The following CAMK2D variants were observed in gnomAD, a reference collection of about 807,000 sequenced individuals.
The protein encoded by CAMK2D is calcium/calmodulin dependent protein kinase II delta.
Under a neutral mutation model 84.0 loss-of-function variants are expected in CAMK2D, and 37 were observed. That is an observed-to-expected ratio of 0.44 (90% CI 0.34 to 0.58). The LOEUF (loss-of-function observed/expected upper bound fraction) is 0.58, where lower values mean the gene tolerates loss of function less well. Among genes scored for constraint, CAMK2D ranks in the 20% least tolerant of loss-of-function variants. The pLI is 0.02. For synonymous variants in CAMK2D, 202 were observed against 212.5 expected (o/e 0.95, Z 0.43); for missense variants, 448 against 652.5 (o/e 0.69, Z 3.41).
chr4:113,455,395 A>G (rs1378704647), intron 20 of CAMK2D, among the ~76,000 whole-genome samples: 5 of 152,208 alleles, frequency 3.3e-5, no homozygotes, highest in Non-Finnish European at 7.3e-5. Context: ...CTTAATATAA[A>G]TTAAGTCCGG....
intron 4 of CAMK2D, among the ~76,000 whole-genome samples, chr4:113,577,780 G>A (rs941552785): frequency 7.3e-5 from 11 of 150,412 alleles, no homozygotes; most frequent in African/African-American, 2.7e-4. Flanking sequence ...GATCTAATAA[G>A]CTTGTATAAT....
chr4:113,757,999 C>T (rs1271332625), intron 2 of CAMK2D, among the ~76,000 whole-genome samples: 3 of 152,080 alleles, frequency 2.0e-5, no homozygotes, highest in Non-Finnish European at 4.4e-5. Flanking sequence ...AATGATACCC[C>T]CACCACAGCC....
rs541400264 is a variant in CAMK2D, at chr4:113,501,746, G to A, written c.1086+1190C>T. Among the ~76,000 whole-genome samples, 10 of 152,154 alleles carry A rather than the reference G, an allele frequency of 6.6e-5. No individual in the cohort carries two copies. The East Asian group carries it at 1.9e-3, about 29-fold the overall frequency. ...AATTCATGTCAGCAAGAAATATCAT[G>A]CAGCAACTCTTACAAATGATATAGC... On this transcript the variant is annotated intron_variant, in intron 15 of 20. Coordinates refer to ENST00000511664, the MANE Select transcript of CAMK2D (RefSeq NM_001321571.2).
At chr4:113,475,479 G>A (rs1589852080) in intron 16 of CAMK2D, among the ~76,000 whole-genome samples, 1 of 152,182 alleles carries the variant, frequency 6.6e-6, no homozygotes, top group African/African-American at 2.4e-5. Flanking sequence ...AACTCCAAGT[G>A]ATCTTTTTAA....
intron 16 of CAMK2D, among the ~76,000 whole-genome samples, chr4:113,481,770 G>T (rs1269609130): frequency 6.6e-6 from 1 of 152,168 alleles, no homozygotes; most frequent in Non-Finnish European, 1.5e-5. Context: ...GAACCACCAT[G>T]CCCAGTCTGG....
intron 2 of CAMK2D, among the ~76,000 whole-genome samples, chr4:113,718,836 G>A: frequency 6.6e-6 from 1 of 152,100 alleles, no homozygotes; most frequent in Non-Finnish European, 1.5e-5. Context: ...TGCAAAGGTG[G>A]TTTCAAGAAA....
chr4:113,495,239 A>C (rs886509154), intron 16 of CAMK2D, among the ~76,000 whole-genome samples: 2 of 152,212 alleles, frequency 1.3e-5, no homozygotes, highest in African/African-American at 4.8e-5. Context: ...GTTATTATAC[A>C]CTACACTACA....
chr4:113,476,652 A>G (rs1479235851), intron 16 of CAMK2D, among the ~76,000 whole-genome samples: 1 of 152,214 alleles, frequency 6.6e-6, no homozygotes, highest in African/African-American at 2.4e-5. Context: ...AGATCTATGA[A>G]TAGTTAAGCA....
At chr4:113,542,584 G>A (rs182751480) in intron 6 of CAMK2D, among the ~76,000 whole-genome samples, 9 of 152,052 alleles carry the variant, frequency 5.9e-5, no homozygotes, top group African/African-American at 9.6e-5. Flanking sequence ...GCATGGTGGC[G>A]GGCGCCTGTA....
At chr4:113,567,290 AC>A (rs1561023522) in intron 4 of CAMK2D, among the ~76,000 whole-genome samples, 1 of 149,324 alleles carries the variant, frequency 6.7e-6, no homozygotes, top group Non-Finnish European at 1.5e-5. Context: ...GCCTCAGCCT[AC>A]CCAGTAGCTG....
At chr4:113,685,170 C>A (rs1043962866) in intron 2 of CAMK2D, among the ~76,000 whole-genome samples, 5 of 151,950 alleles carry the variant, frequency 3.3e-5, no homozygotes, top group African/African-American at 1.2e-4. Context: ...AGACCACCAT[C>A]ATGTGTAAGA....
Position 113,480,576 on chromosome 4 carries a change from C to CACACAGATT in CAMK2D, c.1136-14973_1136-14972insAATCTGTGT, listed in dbSNP as rs1326995390. ...GGCTTGAGGGCCGGGTGCAGTGGCT[C>CACACAGATT]ACATCTGTAATCCCAGCACTTTGGG... is the stretch of plus-strand genomic sequence containing the variant. On this transcript the variant is annotated intron_variant, in intron 16 of 20. Transcript: ENST00000511664. Among the ~76,000 whole-genome samples the CACACAGATT allele has an allele frequency of 2.6e-5, 4 of 152,074 alleles. No homozygotes were observed. In the East Asian group the frequency reaches 7.7e-4, roughly 29 times the overall value.
Position 113,451,335 on chromosome 4 carries a change from A to G in CAMK2D, c.*3210T>C, listed in dbSNP as rs1026487772. On this transcript the variant is annotated 3_prime_UTR_variant, in exon 21 of 21. Transcript: ENST00000511664. ...AGCCCAACAGCAAAACAAGAGTTGT[A>G]TACCCTCGTGAGCAAAGAATAATAA... 6 of 152,226 alleles carry G rather than the reference A, an allele frequency of 3.9e-5. No homozygotes were observed. Among genetic ancestry groups the G allele is most frequent in the South Asian group, 2.1e-4 (1 of 4,834 alleles). The allele number at this position is 152,226 out of a possible 1,614,324, so 9.4% of individuals were successfully genotyped here.
chr4:113,684,370 A>G (rs1375117120), intron 2 of CAMK2D, among the ~76,000 whole-genome samples: 2 of 152,218 alleles, frequency 1.3e-5, no homozygotes. Flanking sequence ...GTATCTCCAA[A>G]TCTCTTAGGC....
chr4:113,528,767 G>A (rs2098438693), intron 8 of CAMK2D, among the ~76,000 whole-genome samples: 1 of 152,072 alleles, frequency 6.6e-6, no homozygotes, highest in Non-Finnish European at 1.5e-5. Context: ...TGAGTCTCAG[G>A]CCACTCTGTT....
At chr4:113,675,122 C>A (rs1321903754) in intron 2 of CAMK2D, among the ~76,000 whole-genome samples, 2 of 152,128 alleles carry the variant, frequency 1.3e-5, no homozygotes, top group African/African-American at 2.4e-5. Flanking sequence ...CTGACTTTTC[C>A]CCTACCCTTG....
At chr4:113,741,702 C>G (rs374958536) in intron 2 of CAMK2D, among the ~76,000 whole-genome samples, 9 of 152,122 alleles carry the variant, frequency 5.9e-5, no homozygotes, top group Non-Finnish European at 1.3e-4. Context: ...CATCCTTAAA[C>G]GGCTTATCAA....
chr4:113,510,035 GCTGA>G (rs897713721), intron 12 of CAMK2D, among the ~76,000 whole-genome samples: 11 of 152,168 alleles, frequency 7.2e-5, no homozygotes, highest in African/African-American at 2.4e-4. Flanking sequence ...TTGGACATCA[GCTGA>G]CTGACAGATT....
chr4:113,610,032 T>C (rs2098993471), intron 3 of CAMK2D, among the ~76,000 whole-genome samples: 1 of 152,118 alleles, frequency 6.6e-6, no homozygotes, highest in South Asian at 2.1e-4. Context: ...GTGAATTCTT[T>C]TTTTTTTTGC....
Sources: gnomAD v4.1 joint callset for allele counts (sites outside exome capture counted in the v4.1 genomes callset) on GRCh38, gnomAD v4.1.1 for gene constraint, MANE v1.5 for transcripts, NCBI Gene and HGNC (gene_info 2026-07-23, HGNC 2026-07-21) for gene names.